PRKCB: variants seen among roughly 807,000 people sequenced by gnomAD.
PRKCB encodes the protein protein kinase C beta.
In PRKCB, 13 loss-of-function variants were observed where a neutral mutation model predicts 81.5. The ratio of observed to expected loss-of-function variants is 0.16; its 90% CI spans 0.10 to 0.25. The LOEUF (loss-of-function observed/expected upper bound fraction) is 0.25. Ranked by LOEUF, PRKCB falls within the 10% of genes least tolerant of loss-of-function variation. The pLI, the probability that PRKCB is intolerant of heterozygous loss-of-function variation, is 1.00. For missense variants in PRKCB, 509 were observed against 875.7 expected (o/e 0.58, Z 5.29); for synonymous variants, 335 against 321.4 (o/e 1.04, Z -0.45).
At chr16:24,193,640 G>A (rs1967833583) in intron 16 of PRKCB, among the ~76,000 whole-genome samples, 2 of 152,090 alleles carry the variant, frequency 1.3e-5, no homozygotes, top group African/African-American at 2.4e-5. Flanking sequence ...TTAAGTGGAA[G>A]ACACTGGTCC....
intron 2 of PRKCB, among the ~76,000 whole-genome samples, chr16:23,977,439 C>A (rs1397742959): frequency 6.6e-6 from 1 of 152,140 alleles, no homozygotes; most frequent in African/African-American, 2.4e-5. Flanking sequence ...GGGACTTGAG[C>A]ACTTTTCATT....
At chr16:24,013,879 C>T (rs1965239749) in intron 3 of PRKCB, among the ~76,000 whole-genome samples, 2 of 151,804 alleles carry the variant, frequency 1.3e-5, no homozygotes, top group South Asian at 4.2e-4. Context: ...GGTTCAGGGT[C>T]ATTGTTTCTA....
intron 11 of PRKCB, 102 bp downstream of exon 11, chr16:24,172,463 C>A: frequency 1.1e-6 from 1 of 887,300 alleles, no homozygotes; most frequent in Non-Finnish European, 1.8e-6. Context: ...TTAAACACCT[C>A]GGGCATCTTT....
At chr16:23,930,456 C>T (rs567435279) in intron 2 of PRKCB, among the ~76,000 whole-genome samples, 1 of 152,154 alleles carries the variant, frequency 6.6e-6, no homozygotes, top group South Asian at 2.1e-4. Flanking sequence ...GTAGTCTCAG[C>T]TACTCAGGAG....
At chr16:24,071,606 G>A (rs551048359) in intron 5 of PRKCB, among the ~76,000 whole-genome samples, 2 of 152,196 alleles carry the variant, frequency 1.3e-5, no homozygotes, top group South Asian at 4.2e-4. Flanking sequence ...TGGGGGTAAA[G>A]GTCCTAGGGT....
intron 3 of PRKCB, among the ~76,000 whole-genome samples, chr16:24,017,681 G>C (rs1198916647): frequency 6.6e-6 from 1 of 152,112 alleles, no homozygotes; most frequent in East Asian, 1.9e-4. Context: ...AAACAAACTT[G>C]AATTTTAAAA....
chr16:24,217,145 G>A lies in PRKCB; in HGVS notation c.*2329G>A, dbSNP rs1030935732. ...AGGAAAGAAAGAAAGAGAAAGGAAGGAAGGAAAGAAGGAAGGAAAAGAAGG... is the reference window on the plus strand; with the variant it reads ...AGGAAAGAAAGAAAGAGAAAGGAAGAAAGGAAAGAAGGAAGGAAAAGAAGG... On this transcript the variant is annotated 3_prime_UTR_variant, in exon 17 of 17. Coordinates refer to ENST00000643927, the MANE Select transcript of PRKCB (RefSeq NM_002738.7). 2.2e-5 allele frequency: 22 copies of A among 978,806 alleles called. 1 individual carries two copies. The South Asian group carries it at 7.6e-4, about 34-fold the overall frequency. 60.6% of individuals were successfully genotyped at this position (978,806 alleles called of 1,614,324 possible). A position where few individuals can be genotyped will look rare whatever the true frequency, so the allele number is the denominator to read the frequency against.
intron 9 of PRKCB, among the ~76,000 whole-genome samples, chr16:24,129,891 A>G (rs910083537): frequency 6.6e-6 from 1 of 152,234 alleles, no homozygotes; most frequent in Non-Finnish European, 1.5e-5. Flanking sequence ...ACATTTCATT[A>G]TGAAAATTTA....
At chr16:24,083,983 G>T (rs1306051366) in intron 5 of PRKCB, among the ~76,000 whole-genome samples, 1 of 152,114 alleles carries the variant, frequency 6.6e-6, no homozygotes, top group East Asian at 1.9e-4. Flanking sequence ...GCAGAAGAAA[G>T]AAGGTTGTCA....
rs144543757 is a variant in PRKCB, at chr16:24,212,568, G to A, written c.1864-2090G>A. On this transcript the variant is annotated intron_variant, in intron 16 of 16. Transcript: ENST00000643927. ...CCCTGCTCACTGCAACCTCTACCTC[G>A]CTGGCTCAAGCAATTCTCTCACCTC... 1.8e-4 allele frequency among the ~76,000 whole-genome samples: 25 copies of A among 140,972 alleles called. No individual in the cohort carries two copies. In the East Asian group the frequency reaches 4.7e-3, roughly 27 times the overall value. 92.5% of individuals were successfully genotyped at this position (140,972 alleles called of 152,430 possible).
intron 5 of PRKCB, among the ~76,000 whole-genome samples, chr16:24,040,852 G>A (rs933234049): frequency 6.6e-6 from 1 of 152,114 alleles, no homozygotes; most frequent in African/African-American, 2.4e-5. Context: ...ACTGAGACCC[G>A]CTTGTTGGAG....
At chr16:24,113,259 G>T (rs941161171) in intron 8 of PRKCB, among the ~76,000 whole-genome samples, 190 bp downstream of exon 8, 6 of 130,836 alleles carry the variant, frequency 4.6e-5, no homozygotes, top group Non-Finnish European at 8.0e-5. Context: ...TTGCTTTCTC[G>T]CTTTCTTCCT....
chr16:24,217,812 C>T lies in PRKCB; in HGVS notation c.*2996C>T, dbSNP rs2141997760. 1.0e-6 allele frequency: 1 copy of T among 985,342 alleles called. No homozygotes were observed. The highest frequency in any genetic ancestry group is 1.1e-4 in the East Asian group (1 of 8,802). 61.0% of individuals were successfully genotyped at this position (985,342 alleles called of 1,614,324 possible). A position where few individuals can be genotyped will look rare whatever the true frequency, so the allele number is the denominator to read the frequency against. On this transcript the variant is annotated 3_prime_UTR_variant, in exon 17 of 17. Transcript: ENST00000643927. ...TGTCTTCTAGCTCCAAATATACCTG[C>T]CTTTTAGCTCACACACTGTCCTGGA...
chr16:23,888,910 A>G (rs1963245726), intron 2 of PRKCB, among the ~76,000 whole-genome samples: 1 of 152,182 alleles, frequency 6.6e-6, no homozygotes, highest in African/African-American at 2.4e-5. Flanking sequence ...GGGGCTGTTG[A>G]GAATGTAAGT....
intron 7 of PRKCB, among the ~76,000 whole-genome samples, chr16:24,096,162 G>A (rs1356929885): frequency 1.3e-5 from 2 of 152,076 alleles, no homozygotes; most frequent in Admixed American, 6.5e-5. Flanking sequence ...TGGGTGTGCT[G>A]GCATGTGAGG....
intron 2 of PRKCB, among the ~76,000 whole-genome samples, chr16:23,905,068 A>G (rs1347120042): frequency 1.0e-5 from 1 of 95,332 alleles, no homozygotes. Flanking sequence ...ATAAAAAAAA[A>G]ATAGCACAGC....
chr16:24,034,462 C>T (rs570944921), intron 4 of PRKCB, among the ~76,000 whole-genome samples: 1 of 152,290 alleles, frequency 6.6e-6, no homozygotes, highest in South Asian at 2.1e-4. Context: ...TTGCTCAAGA[C>T]CTAGAAGAAA....
chr16:24,168,449 A>G (rs1354624958), intron 10 of PRKCB, among the ~76,000 whole-genome samples: 1 of 151,790 alleles, frequency 6.6e-6, no homozygotes, highest in Non-Finnish European at 1.5e-5. Flanking sequence ...TAACCAAAAC[A>G]TATATTCCAC....
intron 8 of PRKCB, among the ~76,000 whole-genome samples, chr16:24,120,579 A>AC (rs1455906134): frequency 6.6e-6 from 1 of 152,116 alleles, no homozygotes; most frequent in East Asian, 1.9e-4. Flanking sequence ...AGTGGAAACA[A>AC]CCAGCATCCT....
Sources: allele counts gnomAD v4.1 joint callset (sites outside exome capture counted in the v4.1 genomes callset), GRCh38; gene constraint gnomAD v4.1.1; transcripts MANE v1.5; gene names NCBI Gene and HGNC (gene_info 2026-07-23, HGNC 2026-07-21).